Variants in PRKACB observed in about 807,000 individuals in gnomAD.
PRKACB encodes protein kinase cAMP-activated catalytic subunit beta, also known as cAMP-dependent protein kinase catalytic subunit beta.
A neutral mutation model predicts 51.4 loss-of-function variants in PRKACB; 16 were observed. The observed-to-expected ratio is 0.31, with a 90% CI of 0.21 to 0.47. The LOEUF (loss-of-function observed/expected upper bound fraction) is 0.47, where lower values mean the gene tolerates loss of function less well. PRKACB is among the 20% of genes least tolerant of loss of function. The pLI is 1.00. For synonymous variants in PRKACB, 147 were observed against 154.4 expected (o/e 0.95, Z 0.35); for missense variants, 309 against 464.5 (o/e 0.67, Z 3.08).
intron 7 of PRKACB, 48 bp downstream of exon 7, chr1:84,197,872 A>G (rs1238773019): frequency 2.3e-6 from 3 of 1,313,632 alleles, no homozygotes; most frequent in Non-Finnish European, 2.2e-6. Flanking sequence ...TGAGACATGC[A>G]TCCCTATGGA....
rs560573690 is a variant in PRKACB at position 84,152,875 on chromosome 1, C to CTT, written c.187+8330_187+8331dup. Among the ~76,000 whole-genome samples, 137 of 152,186 alleles carry CTT rather than the reference C, an allele frequency of 9.0e-4. 1 individual carries two copies. The East Asian group carries it at 0.025, about 28-fold the overall frequency. On this transcript the variant is annotated intron_variant, in intron 1 of 9. Transcript: ENST00000370685. Reference sequence around the variant, plus strand: ...TTTAGTTTCCTTCAGTAACTTTTTTCTTTTGCATTCTCAGCTTGGCTGTAT... The same window carrying CTT: ...TTTAGTTTCCTTCAGTAACTTTTTTCTTTTTTGCATTCTCAGCTTGGCTGTAT...
intron 9 of PRKACB, among the ~76,000 whole-genome samples, chr1:84,234,715 G>C (rs1383279829): frequency 6.6e-6 from 1 of 152,236 alleles, no homozygotes; most frequent in Non-Finnish European, 1.5e-5. Flanking sequence ...GACTAGGAAA[G>C]GGAACTCCCT....
chr1:84,229,227 C>T (rs1319443886), intron 9 of PRKACB, among the ~76,000 whole-genome samples: 284 of 125,290 alleles, frequency 2.3e-3, no homozygotes, highest in African/African-American at 4.2e-3. Flanking sequence ...TGATGATTTC[C>T]AATTTCATCC....
chr1:84,162,968 A>C (rs936279851), intron 1 of PRKACB, among the ~76,000 whole-genome samples: 1 of 151,940 alleles, frequency 6.6e-6, no homozygotes, highest in East Asian at 1.9e-4. Context: ...CCTTTGTCTT[A>C]ATCTATGGAA....
chr1:84,164,906 G>A (rs914504403), intron 1 of PRKACB: 75 of 1,497,692 alleles, frequency 5.0e-5, no homozygotes, highest in Non-Finnish European at 6.2e-5. Flanking sequence ...CAGTGTGTGT[G>A]TTTACACCAT....
At chr1:84,228,662 C>G (rs1238209939) in intron 9 of PRKACB, among the ~76,000 whole-genome samples, 1 of 152,048 alleles carries the variant, frequency 6.6e-6, no homozygotes, top group Non-Finnish European at 1.5e-5. Context: ...TAACAATTCT[C>G]TAATTCTAAA....
intron 1 of PRKACB, among the ~76,000 whole-genome samples, chr1:84,170,871 G>A (rs1182902791): frequency 6.6e-6 from 1 of 151,672 alleles, no homozygotes; most frequent in Non-Finnish European, 1.5e-5. Flanking sequence ...AAATTTTATA[G>A]ATATAGATAG....
chr1:84,206,362 T>C (rs977874684), intron 8 of PRKACB, among the ~76,000 whole-genome samples: 1 of 152,196 alleles, frequency 6.6e-6, no homozygotes, highest in Non-Finnish European at 1.5e-5. Flanking sequence ...TATTCCTTTC[T>C]GTCTCAGGAG....
intron 9 of PRKACB, among the ~76,000 whole-genome samples, chr1:84,224,534 C>G (rs1038130040): frequency 5.3e-5 from 8 of 152,310 alleles, no homozygotes; most frequent in Non-Finnish European, 1.2e-4. Flanking sequence ...TGGTGGCAGA[C>G]TGGGCAGGCC....
chr1:84,122,650 G>C (rs1437962797), intron 1 of PRKACB, among the ~76,000 whole-genome samples: 1 of 152,106 alleles, frequency 6.6e-6, no homozygotes, highest in Non-Finnish European at 1.5e-5. Context: ...AATGTAATGT[G>C]ACGTTTACTA....
intron 1 of PRKACB, among the ~76,000 whole-genome samples, chr1:84,122,555 A>C (rs1298173869): frequency 1.3e-5 from 2 of 152,184 alleles, no homozygotes; most frequent in Non-Finnish European, 2.9e-5. Context: ...TATAAGAACA[A>C]CTGTTTTCTT....
chr1:84,121,067 A>G (rs1377735612), intron 1 of PRKACB, among the ~76,000 whole-genome samples: 2 of 152,056 alleles, frequency 1.3e-5, no homozygotes, highest in African/African-American at 4.8e-5. Context: ...TATTGTTACT[A>G]TTTTGTGTCA....
intron 4 of PRKACB, among the ~76,000 whole-genome samples, chr1:84,184,461 T>G (rs188509884): frequency 6.6e-6 from 1 of 152,034 alleles, no homozygotes; most frequent in Admixed American, 6.6e-5. Context: ...TTTTCTACTT[T>G]GATTAAGCCC....
chr1:84,078,098 TCGCCGCCGCCGC>T (rs555766497), upstream of PRKACB: 50 of 419,568 alleles, frequency 1.2e-4, no homozygotes, highest in African/African-American at 6.5e-4. Context: ...GCCACCGCCG[TCGCCGCCGCCGC>T]CGCCGCCGCC....
chr1:84,113,409 A>G (rs1217901849), intron 1 of PRKACB, among the ~76,000 whole-genome samples: 1 of 152,208 alleles, frequency 6.6e-6, no homozygotes, highest in African/African-American at 2.4e-5. Context: ...GAGCCCTCAG[A>G]CATTGCTGGT....
intron 5 of PRKACB, among the ~76,000 whole-genome samples, chr1:84,193,130 A>G (rs1259585261): frequency 1.3e-5 from 2 of 152,124 alleles, no homozygotes; most frequent in Non-Finnish European, 2.9e-5. Context: ...CCAGGAGGCA[A>G]AAGACGCCTC....
intron 8 of PRKACB, chr1:84,204,922 A>AAT: frequency 1.0e-6 from 1 of 974,124 alleles, no homozygotes; most frequent in Non-Finnish European, 1.2e-6. Context: ...GCTGTTTATG[A>AAT]ATATATATTC....
At chr1:84,163,054 A>C (rs1336364804) in intron 1 of PRKACB, among the ~76,000 whole-genome samples, 3 of 151,816 alleles carry the variant, frequency 2.0e-5, no homozygotes, top group Non-Finnish European at 4.4e-5. Flanking sequence ...TTATTTTTTA[A>C]CCTGGTTTCC....
At position 84,193,616 on chromosome 1, in the gene PRKACB, GT is replaced by G. The variant is rs1157639912; in HGVS notation, c.561-2998del. 7.2e-5 allele frequency among the ~76,000 whole-genome samples: 11 copies of G among 152,244 alleles called. 1 individual carries two copies. In the East Asian group the frequency reaches 1.9e-3, roughly 27 times the overall value. On this transcript the variant is annotated intron_variant, in intron 5 of 9. Transcript: ENST00000370685. ...TGTGATTGGTGAGTGATGGTGGTGG[GT>G]TCAAACTAGTCTTAGAGTCACAGCA...
Sources: gnomAD v4.1 joint callset for allele counts (sites outside exome capture counted in the v4.1 genomes callset) on GRCh38, gnomAD v4.1.1 for gene constraint, MANE v1.5 for transcripts, NCBI Gene and HGNC (gene_info 2026-07-23, HGNC 2026-07-21) for gene names.